Variants in GOLGA5 observed in about 807,000 individuals in gnomAD.
GOLGA5 encodes golgin A5, also known as golgin subfamily A member 5.
A neutral mutation model predicts 93.5 loss-of-function variants in GOLGA5; 50 were observed. The ratio of observed to expected loss-of-function variants is 0.53; its 90% CI spans 0.43 to 0.68. The LOEUF (loss-of-function observed/expected upper bound fraction) is 0.68, where lower values mean the gene tolerates loss of function less well. Ranked by LOEUF, GOLGA5 falls within the 30% of genes least tolerant of loss-of-function variation. The pLI, the probability that GOLGA5 is intolerant of heterozygous loss-of-function variation, is 0.00. For synonymous variants in GOLGA5, 312 were observed against 304.5 expected (o/e 1.02, Z -0.26); for missense variants, 760 against 856.4 (o/e 0.89, Z 1.40).
At chr14:92,806,608 T>A (rs1252348328) in intron 2 of GOLGA5, 128 bp from the exon 3 acceptor site, 2 of 660,156 alleles carry the variant, frequency 3.0e-6, no homozygotes, top group Non-Finnish European at 5.4e-6. Flanking sequence ...CCACCGCGCC[T>A]AGCTGAGAAT....
intron 9 of GOLGA5, among the ~76,000 whole-genome samples, chr14:92,830,832 T>C (rs1260487989): frequency 6.6e-6 from 1 of 152,164 alleles, no homozygotes; most frequent in Non-Finnish European, 1.5e-5. Flanking sequence ...ACTCCTGGGC[T>C]CCAGCAATCC....
chr14:92,829,341 A>C (rs77200531), intron 9 of GOLGA5, among the ~76,000 whole-genome samples: 1 of 152,072 alleles, frequency 6.6e-6, no homozygotes, highest in South Asian at 2.1e-4. Flanking sequence ...GGCACAGTCA[A>C]TTGAGAACCT....
At chr14:92,802,730 T>G (rs1275297858) in intron 2 of GOLGA5, among the ~76,000 whole-genome samples, 1 of 130,660 alleles carries the variant, frequency 7.7e-6, no homozygotes, top group Non-Finnish European at 1.7e-5. Flanking sequence ...ACAAATCAAT[T>G]TATTTATTTT....
chr14:92,839,744 T>C lies in GOLGA5; in HGVS notation c.*298T>C, dbSNP rs996550653. Reference sequence around the variant, plus strand: ...GTTGTTCACCTCTGTACAGACCATCTGTATGTTAGGTGACATTGATTATGG... The same window carrying C: ...GTTGTTCACCTCTGTACAGACCATCCGTATGTTAGGTGACATTGATTATGG... On this transcript the variant is annotated 3_prime_UTR_variant, in exon 13 of 13. Coordinates refer to ENST00000163416, the MANE Select transcript of GOLGA5 (RefSeq NM_005113.4). 18 of 335,676 alleles carry C rather than the reference T, an allele frequency of 5.4e-5. No individual in the cohort carries two copies. The highest frequency in any genetic ancestry group is 3.4e-4 in the African/African-American group (16 of 47,744). The allele number at this position is 335,676 out of a possible 1,614,324, so 20.8% of individuals were successfully genotyped here.
chr14:92,823,465 A>G (rs545356347), intron 8 of GOLGA5, among the ~76,000 whole-genome samples: 1 of 151,464 alleles, frequency 6.6e-6, no homozygotes, highest in East Asian at 1.9e-4. Context: ...CCAGGCCAGA[A>G]TGCAGTGATG....
chr14:92,835,319 T>C (rs2140337833), intron 10 of GOLGA5, among the ~76,000 whole-genome samples: 1 of 152,376 alleles, frequency 6.6e-6, no homozygotes, highest in South Asian at 2.1e-4. Context: ...TGTAAATTTC[T>C]TAATTTTTGC....
Position 92,819,750 on chromosome 14 carries a change from G to C in GOLGA5, c.1534G>C (p.Glu512Gln). The C allele has an allele frequency of 1.2e-6, 2 of 1,613,866 alleles. No homozygotes were observed. Among genetic ancestry groups the C allele is most frequent in the Non-Finnish European group, 1.7e-6 (2 of 1,179,716 alleles). ...QQVNEAESAR[E>Q]QLQDLHDQIA... Reference sequence around the variant, plus strand: ...AGTTAATGAAGCAGAATCAGCAAGAGAACAGTTACAGGATCTGCATGACCA... The same window carrying C: ...AGTTAATGAAGCAGAATCAGCAAGACAACAGTTACAGGATCTGCATGACCA... Residue 512 changes from glutamate (E) to glutamine (Q), a missense_variant, in exon 8 of 13, where the codon GAA becomes CAA. Physicochemically the swap from Glu to Gln is conservative, Grantham distance 29. Transcript: ENST00000163416.
chr14:92,835,363 G>A (rs1029699094), intron 10 of GOLGA5, among the ~76,000 whole-genome samples, 196 bp from the exon 11 acceptor site: 5 of 152,026 alleles, frequency 3.3e-5, no homozygotes, highest in African/African-American at 1.2e-4. Flanking sequence ...CTTTTTTCTT[G>A]TTGTGGATAT....
intron 6 of GOLGA5, among the ~76,000 whole-genome samples, chr14:92,811,984 A>G (rs557226018): frequency 6.6e-6 from 1 of 152,306 alleles, no homozygotes; most frequent in South Asian, 2.1e-4. Context: ...CAGGTCTTCA[A>G]CCTGTCACCT....
intron 4 of GOLGA5, among the ~76,000 whole-genome samples, chr14:92,809,971 A>G (rs985172358): frequency 5.3e-5 from 8 of 152,224 alleles, no homozygotes; most frequent in Non-Finnish European, 7.3e-5. Context: ...CAACAACAAC[A>G]TAAAATGGAT....
chr14:92,815,225 G>C (rs1014868605), intron 6 of GOLGA5, among the ~76,000 whole-genome samples: 4 of 152,086 alleles, frequency 2.6e-5, no homozygotes, highest in Non-Finnish European at 5.9e-5. Context: ...GCATTTTTAT[G>C]CTTTGCTCTC....
chr14:92,823,393 C>T (rs1174789998), intron 8 of GOLGA5, among the ~76,000 whole-genome samples: 1 of 147,986 alleles, frequency 6.8e-6, no homozygotes, highest in African/African-American at 2.5e-5. Flanking sequence ...TTCTCCTTTT[C>T]AGAGCTTCTG....
At chr14:92,816,056 G>T (rs1230754858) in intron 6 of GOLGA5, among the ~76,000 whole-genome samples, 195 bp from the exon 7 acceptor site, 1 of 152,106 alleles carries the variant, frequency 6.6e-6, no homozygotes, top group Non-Finnish European at 1.5e-5. Context: ...CATGATTGTG[G>T]GGCTAAAGTC....
At chr14:92,802,916 A>G (rs1884905298) in intron 2 of GOLGA5, among the ~76,000 whole-genome samples, 3 of 152,026 alleles carry the variant, frequency 2.0e-5, no homozygotes, top group Non-Finnish European at 2.9e-5. Flanking sequence ...GGTGCACACC[A>G]CTGCACCTAG....
Position 92,810,182 on chromosome 14 carries a change from C to T in GOLGA5, c.993-72C>T, listed in dbSNP as rs896330571. ...TTTGTGCTTGACTAAAGCTGACGCT[C>T]TAAAAATTATTCTGCCTTATCACTT... On this transcript the variant is annotated intron_variant, in intron 4 of 12. Transcript: ENST00000163416. 1.9e-5 allele frequency: 21 copies of T among 1,095,908 alleles called. No homozygotes were observed. In the Middle Eastern group the frequency reaches 6.1e-4, roughly 32 times the overall value. 67.9% of individuals were successfully genotyped at this position (1,095,908 alleles called of 1,614,324 possible).
intron 12 of GOLGA5, 101 bp from the exon 13 acceptor site, chr14:92,839,265 A>T: frequency 1.4e-6 from 1 of 723,164 alleles, no homozygotes. Context: ...CATAGGGGAT[A>T]CAGAGGCAGG....
chr14:92,796,981 A>G (rs1884746313), intron 1 of GOLGA5, among the ~76,000 whole-genome samples: 1 of 131,180 alleles, frequency 7.6e-6, no homozygotes, highest in African/African-American at 2.9e-5. Context: ...CGTCTCAAAA[A>G]AAAAAAAAAA....
chr14:92,812,643 T>C (rs138809578), intron 6 of GOLGA5, among the ~76,000 whole-genome samples: 484 of 152,322 alleles, frequency 3.2e-3, no homozygotes, highest in Middle Eastern at 0.014. Context: ...ATATTCTCTG[T>C]CCTTTTCTTA....
At chr14:92,829,416 A>C (rs1418767173) in intron 9 of GOLGA5, among the ~76,000 whole-genome samples, 1 of 152,166 alleles carries the variant, frequency 6.6e-6, no homozygotes, top group Admixed American at 6.5e-5. Context: ...AGGAGGCCAG[A>C]ATATCAACAT....
Sources: gnomAD v4.1 joint callset for allele counts (sites outside exome capture counted in the v4.1 genomes callset) on GRCh38, gnomAD v4.1.1 for gene constraint, MANE v1.5 for transcripts, NCBI Gene and HGNC (gene_info 2026-07-23, HGNC 2026-07-21) for gene names.